Variants in NAALADL2 observed in about 807,000 individuals in gnomAD.
NAALADL2 encodes N-acetylated alpha-linked acidic dipeptidase like 2.
NAALADL2 carries 76 observed loss-of-function variants against 87.2 expected under a neutral mutation model. That is an observed-to-expected ratio of 0.87 (90% CI 0.72 to 1.05). NAALADL2 has a LOEUF of 1.05. Among genes scored for constraint, NAALADL2 ranks in the 50% least tolerant of loss-of-function variants. NAALADL2 has a pLI of 0.00. For missense variants in NAALADL2, 1,089 were observed against 945.8 expected, an observed-to-expected ratio of 1.15 and a Z score of -1.99; for synonymous variants, 354 against 331.0, an observed-to-expected ratio of 1.07 and a Z score of -0.75.
Position 174,557,394 on chromosome 3 carries a change from A to T in NAALADL2, c.-115+6757A>T, listed in dbSNP as rs1712968621. ...AATATCTTTTGTAAAAACTTTTTTAATATCTCAGGGGTCTGTTACACTTTT... is the reference window on the plus strand; with the variant it reads ...AATATCTTTTGTAAAAACTTTTTTATTATCTCAGGGGTCTGTTACACTTTT... On this transcript the variant is annotated intron_variant, in intron 2 of 3. Coordinates refer to the NAALADL2 transcript ENST00000434257. Among the ~76,000 whole-genome samples, 3 of 152,310 alleles carry T rather than the reference A, an allele frequency of 2.0e-5. No individual in the cohort carries two copies. In the South Asian group the frequency reaches 6.2e-4, roughly 32 times the overall value.
chr3:175,709,939 G>A (rs1049706879), intron 11 of NAALADL2, among the ~76,000 whole-genome samples: 3 of 152,010 alleles, frequency 2.0e-5, no homozygotes, highest in Admixed American at 6.6e-5. Context: ...AGTGTGATGC[G>A]AGGAAATCAA....
At chr3:175,157,225 G>A (rs1732457420) in intron 2 of NAALADL2, among the ~76,000 whole-genome samples, 1 of 152,054 alleles carries the variant, frequency 6.6e-6, no homozygotes, top group Admixed American at 6.6e-5. Flanking sequence ...CATGAGGATA[G>A]GAAAAGATTT....
Position 174,882,800 on chromosome 3 carries a change from T to C in NAALADL2, c.43+23350T>C, listed in dbSNP as rs13317212. On this transcript the variant is annotated intron_variant, in intron 1 of 13. Coordinates refer to ENST00000454872, the MANE Select transcript of NAALADL2 (RefSeq NM_207015.3). ...ATATACATATGTGTATATATACACG[T>C]GTGTATATGTGCATATGTGTATATA... Among the ~76,000 whole-genome samples, 67 of 96,922 alleles carry C rather than the reference T, an allele frequency of 6.9e-4. 1 individual carries two copies. The highest frequency in any genetic ancestry group is 3.3e-3 in the African/African-American group (49 of 14,880). The allele number at this position is 96,922 out of a possible 152,430, so 63.6% of individuals were successfully genotyped here.
chr3:175,076,458 T>A (rs1341548973), intron 1 of NAALADL2, among the ~76,000 whole-genome samples: 4 of 151,920 alleles, frequency 2.6e-5, no homozygotes. Context: ...ATAGACTATT[T>A]CTCGCTGGAC....
chr3:175,461,024 G>A (rs552132941), intron 6 of NAALADL2, among the ~76,000 whole-genome samples: 2 of 152,238 alleles, frequency 1.3e-5, no homozygotes, highest in South Asian at 4.1e-4. Flanking sequence ...ATTTTACAGA[G>A]TGCTGACTGG....
intron 1 of NAALADL2, among the ~76,000 whole-genome samples, chr3:175,001,002 A>G (rs1392208015): frequency 2.0e-5 from 3 of 152,190 alleles, no homozygotes; most frequent in Non-Finnish European, 2.9e-5. Flanking sequence ...CTCCAGTCCC[A>G]TTTATGGGAT....
chr3:175,399,058 TAAAA>T (rs951075080), intron 5 of NAALADL2, among the ~76,000 whole-genome samples: 1 of 151,228 alleles, frequency 6.6e-6, no homozygotes, highest in Non-Finnish European at 1.5e-5. Flanking sequence ...AAATAAAAAA[TAAAA>T]AAAAGAGAAT....
intron 2 of NAALADL2, among the ~76,000 whole-genome samples, chr3:175,106,029 G>C (rs968196813): frequency 6.6e-6 from 1 of 151,928 alleles, no homozygotes; most frequent in African/African-American, 2.4e-5. Flanking sequence ...TCTGCCTAAA[G>C]GTTTGCTTTC....
intron 2 of NAALADL2, among the ~76,000 whole-genome samples, chr3:174,736,994 A>G (rs1160891299): frequency 2.6e-5 from 4 of 152,090 alleles, no homozygotes; most frequent in African/African-American, 9.7e-5. Flanking sequence ...ACAATGTTCA[A>G]CTTTGCCCCA....
chr3:174,537,180 T>G (rs1035442884), intron 1 of NAALADL2, among the ~76,000 whole-genome samples: 2 of 152,194 alleles, frequency 1.3e-5, no homozygotes, highest in Non-Finnish European at 2.9e-5. Context: ...ATTGTAGAAA[T>G]GTATCACAAG....
intron 1 of NAALADL2, among the ~76,000 whole-genome samples, chr3:174,441,556 A>T (rs952425842): frequency 1.2e-4 from 18 of 152,138 alleles, no homozygotes; most frequent in African/African-American, 4.3e-4. Context: ...GCTCCAGTGG[A>T]CGCCCAGGAT....
At chr3:175,022,143 A>G (rs186788178) in intron 1 of NAALADL2, among the ~76,000 whole-genome samples, 7 of 152,112 alleles carry the variant, frequency 4.6e-5, no homozygotes, top group Admixed American at 4.6e-4. Context: ...TGAAGCCCTC[A>G]CCAGAAGCAG....
chr3:174,784,211 A>C (rs1169817213), intron 3 of NAALADL2, among the ~76,000 whole-genome samples: 1 of 152,200 alleles, frequency 6.6e-6, no homozygotes, highest in Non-Finnish European at 1.5e-5. Context: ...ACACACTTCT[A>C]TAATAAAGAG....
At chr3:174,608,564 AG>A (rs1220441999) in intron 2 of NAALADL2, among the ~76,000 whole-genome samples, 2 of 152,088 alleles carry the variant, frequency 1.3e-5, no homozygotes, top group Non-Finnish European at 2.9e-5. Context: ...AAAATCTAGA[AG>A]AAATGGATAA....
At chr3:174,573,895 C>A (rs1377397288) in intron 2 of NAALADL2, among the ~76,000 whole-genome samples, 1 of 152,074 alleles carries the variant, frequency 6.6e-6, no homozygotes, top group Non-Finnish European at 1.5e-5. Flanking sequence ...ATATCTAAAC[C>A]ATAGCACCCG....
At chr3:174,580,370 T>C (rs1430285787) in intron 2 of NAALADL2, among the ~76,000 whole-genome samples, 2 of 152,256 alleles carry the variant, frequency 1.3e-5, no homozygotes, top group Admixed American at 1.3e-4. Context: ...TAATAATTTA[T>C]GTTAGAAAAT....
At chr3:174,723,970 G>A in intron 2 of NAALADL2, among the ~76,000 whole-genome samples, 1 of 151,982 alleles carries the variant, frequency 6.6e-6, no homozygotes, top group Non-Finnish European at 1.5e-5. Flanking sequence ...AAATATATAT[G>A]TGTTTGTTCA....
chr3:174,904,072 T>C (rs1579450221), intron 1 of NAALADL2, among the ~76,000 whole-genome samples: 2 of 151,716 alleles, frequency 1.3e-5, no homozygotes, highest in African/African-American at 4.8e-5. Context: ...TATACAGAGA[T>C]ATATAGTTAT....
chr3:175,695,776 C>T (rs919045949), intron 11 of NAALADL2, among the ~76,000 whole-genome samples: 12 of 152,004 alleles, frequency 7.9e-5, no homozygotes, highest in African/African-American at 2.9e-4. Context: ...GAGGAATAAA[C>T]AACTATATGT....
Sources: allele counts gnomAD v4.1 joint callset (sites outside exome capture counted in the v4.1 genomes callset), GRCh38; gene constraint gnomAD v4.1.1; transcripts MANE v1.5; gene names NCBI Gene and HGNC (gene_info 2026-07-23, HGNC 2026-07-21).